PDZRN4: variants seen among roughly 807,000 people sequenced by gnomAD.
PDZRN4 encodes the protein PDZ domain-containing RING finger protein 4.
Under a neutral mutation model 99.0 loss-of-function variants are expected in PDZRN4, and 70 were observed. The ratio of observed to expected loss-of-function variants is 0.71; its 90% CI spans 0.58 to 0.86. The LOEUF (loss-of-function observed/expected upper bound fraction) is 0.86. PDZRN4 is among the 40% of genes least tolerant of loss of function. PDZRN4 has a pLI of 0.00. For missense variants in PDZRN4, 1,474 were observed against 1,331.2 expected, an observed-to-expected ratio of 1.11 and a Z score of -1.67; for synonymous variants, 551 against 501.6, an observed-to-expected ratio of 1.10 and a Z score of -1.32.
intron 3 of PDZRN4, among the ~76,000 whole-genome samples, chr12:41,476,864 G>A (rs965884617): frequency 6.6e-6 from 1 of 152,208 alleles, no homozygotes; most frequent in Non-Finnish European, 1.5e-5. Flanking sequence ...TGCAAGGCAG[G>A]TTACAATTTC....
chr12:41,364,386 A>T (rs1951983449), intron 3 of PDZRN4, among the ~76,000 whole-genome samples: 1 of 152,108 alleles, frequency 6.6e-6, no homozygotes, highest in Non-Finnish European at 1.5e-5. Context: ...AAGGTTGTAG[A>T]TAAATAATGG....
At chr12:41,214,159 C>T (rs1454805558) in intron 3 of PDZRN4, among the ~76,000 whole-genome samples, 1 of 150,180 alleles carries the variant, frequency 6.7e-6, no homozygotes, top group Non-Finnish European at 1.5e-5. Context: ...TGGCTTACGC[C>T]TCTAATCTCA....
chr12:41,205,583 C>G (rs999914975), intron 3 of PDZRN4, among the ~76,000 whole-genome samples: 1 of 151,964 alleles, frequency 6.6e-6, no homozygotes, highest in South Asian at 2.1e-4. Context: ...CCTCCTTTAA[C>G]CTCACTAACT....
intron 3 of PDZRN4, among the ~76,000 whole-genome samples, chr12:41,366,452 CT>C (rs375091331): frequency 1.3e-5 from 2 of 152,086 alleles, no homozygotes; most frequent in African/African-American, 4.8e-5. Context: ...AGGTTGAGCT[CT>C]GATACAGCTG....
chr12:41,462,998 T>C (rs756898988), intron 3 of PDZRN4, among the ~76,000 whole-genome samples: 37 of 152,182 alleles, frequency 2.4e-4, no homozygotes, highest in South Asian at 4.1e-4. Context: ...CTGTCCATGA[T>C]AGGCACAGCC....
At chr12:41,470,810 A>G (rs1180680088) in intron 3 of PDZRN4, among the ~76,000 whole-genome samples, 5 of 152,158 alleles carry the variant, frequency 3.3e-5, no homozygotes, top group Non-Finnish European at 7.3e-5. Context: ...CCTCATGGCC[A>G]AAACCCACAC....
intron 3 of PDZRN4, among the ~76,000 whole-genome samples, chr12:41,333,716 A>G (rs1951754175): frequency 6.6e-6 from 1 of 152,162 alleles, no homozygotes; most frequent in Non-Finnish European, 1.5e-5. Flanking sequence ...AAATTTCCTC[A>G]GTTCTCATAG....
intron 3 of PDZRN4, among the ~76,000 whole-genome samples, chr12:41,287,463 T>C (rs75360921): frequency 0.011 from 1,740 of 152,320 alleles, 51 homozygotes; most frequent in East Asian, 0.097. Flanking sequence ...CCTTTGTATA[T>C]GGTGTTAAAA....
chr12:41,291,778 A>T (rs914601928), intron 3 of PDZRN4, among the ~76,000 whole-genome samples: 4 of 152,058 alleles, frequency 2.6e-5, no homozygotes, highest in Non-Finnish European at 4.4e-5. Flanking sequence ...CATGAGGAGG[A>T]TCTATGGCAG....
chr12:41,240,061 C>A (rs757899010), intron 3 of PDZRN4, among the ~76,000 whole-genome samples: 5 of 152,174 alleles, frequency 3.3e-5, no homozygotes, highest in African/African-American at 7.2e-5. Flanking sequence ...GTTCATGTTG[C>A]TGAAAATGCG....
At chr12:41,571,019 T>C (rs1253664862) in intron 9 of PDZRN4, among the ~76,000 whole-genome samples, 2 of 152,162 alleles carry the variant, frequency 1.3e-5, no homozygotes, top group Non-Finnish European at 2.9e-5. Context: ...CTTTTTAGAC[T>C]TCTTTTAGAA....
At chr12:41,201,829 A>T (rs1950818002) in intron 3 of PDZRN4, among the ~76,000 whole-genome samples, 1 of 152,154 alleles carries the variant, frequency 6.6e-6, no homozygotes, top group Non-Finnish European at 1.5e-5. Context: ...GTATCTTTCT[A>T]GACTGTTTCT....
At chr12:41,367,693 AT>A (rs1434804922) in intron 3 of PDZRN4, among the ~76,000 whole-genome samples, 1 of 152,056 alleles carries the variant, frequency 6.6e-6, no homozygotes, top group East Asian at 1.9e-4. Flanking sequence ...TGTGTGTTCC[AT>A]TTGGATTATA....
At chr12:41,201,909 T>C (rs989961515) in intron 3 of PDZRN4, among the ~76,000 whole-genome samples, 4 of 152,126 alleles carry the variant, frequency 2.6e-5, no homozygotes, top group African/African-American at 9.7e-5. Flanking sequence ...ATGTAAATGC[T>C]TGAATTGGAT....
At chr12:41,490,472 G>A (rs1217569753) in intron 3 of PDZRN4, among the ~76,000 whole-genome samples, 1 of 152,016 alleles carries the variant, frequency 6.6e-6, no homozygotes, top group African/African-American at 2.4e-5. Context: ...AAAATTATTT[G>A]GAATGCCATG....
intron 3 of PDZRN4, among the ~76,000 whole-genome samples, chr12:41,396,400 GT>G (rs1952245975): frequency 7.1e-6 from 1 of 141,412 alleles, no homozygotes; most frequent in African/African-American, 3.1e-5. Flanking sequence ...GTTTGCTATT[GT>G]TGTTGTTGTT....
At chr12:41,541,533 A>G (rs554555511) in intron 5 of PDZRN4, among the ~76,000 whole-genome samples, 1 of 150,448 alleles carries the variant, frequency 6.6e-6, no homozygotes, top group South Asian at 2.1e-4. Flanking sequence ...AGCTCACTGC[A>G]AGTTCCACCT....
intron 3 of PDZRN4, among the ~76,000 whole-genome samples, chr12:41,301,700 A>T (rs1225969163): frequency 1.3e-5 from 2 of 151,862 alleles, no homozygotes; most frequent in Non-Finnish European, 2.9e-5. Flanking sequence ...TTTCCTTTTC[A>T]CTGTGGCATA....
chr12:41,227,420 T>G (rs1951001930), intron 3 of PDZRN4, among the ~76,000 whole-genome samples: 1 of 152,088 alleles, frequency 6.6e-6, no homozygotes, highest in African/African-American at 2.4e-5. Context: ...ATTCCAGCAC[T>G]TTGGAAAGCC....
Sources: gnomAD v4.1 joint callset for allele counts (sites outside exome capture counted in the v4.1 genomes callset) on GRCh38, gnomAD v4.1.1 for gene constraint, MANE v1.5 for transcripts, NCBI Gene and HGNC (gene_info 2026-07-23, HGNC 2026-07-21) for gene names.